The following SYT6 variants were observed in gnomAD, a reference collection of about 807,000 sequenced individuals.
SYT6 encodes synaptotagmin 6, also known as synaptotagmin-6.
SYT6 carries 24 observed loss-of-function variants against 38.4 expected under a neutral mutation model. The ratio of observed to expected loss-of-function variants is 0.62; its 90% CI spans 0.45 to 0.88. The LOEUF is 0.88. Among genes scored for constraint, SYT6 ranks in the 40% least tolerant of loss-of-function variants. SYT6 has a pLI of 0.00. For missense variants in SYT6, 611 were observed against 621.0 expected (o/e 0.98, Z 0.17); for synonymous variants, 265 against 241.9 (o/e 1.10, Z -0.89).
intron 3 of SYT6, among the ~76,000 whole-genome samples, chr1:114,129,083 G>T (rs888271485): frequency 3.9e-5 from 6 of 152,122 alleles, no homozygotes; most frequent in African/African-American, 1.4e-4. Context: ...CCCCATATGG[G>T]TTCTTCCTCC....
intron 3 of SYT6, among the ~76,000 whole-genome samples, chr1:114,111,069 T>C (rs571583109): frequency 1.6e-4 from 25 of 152,308 alleles, no homozygotes; most frequent in African/African-American, 5.8e-4. Context: ...GGCTCCCTCC[T>C]TGGAACTTTT....
Position 114,148,869 on chromosome 1 carries a change from C to A in SYT6, c.163+4741G>T, listed in dbSNP as rs563654145. Among the ~76,000 whole-genome samples, 11 of 152,214 alleles carry A rather than the reference C, an allele frequency of 7.2e-5. No homozygotes were observed. In the East Asian group the frequency reaches 1.7e-3, roughly 24 times the overall value. On this transcript the variant is annotated intron_variant, in intron 1 of 7. Coordinates refer to ENST00000610222, the MANE Select transcript of SYT6 (RefSeq NM_001253772.2). ...TTAAGGAGAAGAGCTGGGATTTGAA[C>A]CTAGGACTTGCTGATGCCCAAATCT...
chr1:114,150,219 AG>A (rs1331457125), intron 1 of SYT6, among the ~76,000 whole-genome samples: 8 of 152,222 alleles, frequency 5.3e-5, no homozygotes, highest in Middle Eastern at 3.2e-3. Context: ...TACAGAGCTT[AG>A]AGGGATGACA....
intron 5 of SYT6, 58 bp from the exon 6 acceptor site, chr1:114,097,935 G>T (rs1675737635): frequency 5.0e-6 from 8 of 1,595,662 alleles, no homozygotes; most frequent in Admixed American, 1.7e-5. Context: ...AGAAAAGGAG[G>T]TCCAGTGTGG....
rs1402730847 is a variant in SYT6 at position 114,137,770 on chromosome 1, C to T, written c.796G>A (p.Asp266Asn). ...LPAKDFCGSS[D>N]PYVKIYLLPD... is the part of the protein sequence containing the mutation. Reference sequence around the variant, plus strand: ...AGGAGGTAGATCTTGACATAAGGGTCAGAGCTTCCACAAAAGTCCTTGGCA... The same window carrying T: ...AGGAGGTAGATCTTGACATAAGGGTTAGAGCTTCCACAAAAGTCCTTGGCA... The change falls in exon 3 of 8, where the codon GAC (aspartate) becomes AAC (asparagine). Residue 266 changes from aspartate (D) to asparagine (N), a missense_variant. Transcript: ENST00000610222. 1.2e-6 allele frequency: 2 copies of T among 1,613,960 alleles called. No homozygotes were observed. The highest frequency in any genetic ancestry group is 2.2e-5 in the East Asian group (1 of 44,886).
chr1:114,149,379 C>A (rs1352464109), intron 1 of SYT6, among the ~76,000 whole-genome samples: 1 of 151,820 alleles, frequency 6.6e-6, no homozygotes, highest in African/African-American at 2.4e-5. Context: ...GAGCAGAGGG[C>A]TTTTGCTTCC....
intron 3 of SYT6, among the ~76,000 whole-genome samples, chr1:114,129,508 G>T (rs1677955449): frequency 6.6e-6 from 1 of 150,612 alleles, no homozygotes; most frequent in Non-Finnish European, 1.5e-5. Flanking sequence ...TGGTCCTCTT[G>T]CTGTTCTTTG....
At chr1:114,095,912 G>A (rs1027405089) in intron 6 of SYT6, among the ~76,000 whole-genome samples, 3 of 151,964 alleles carry the variant, frequency 2.0e-5, no homozygotes, top group African/African-American at 2.4e-5. Flanking sequence ...CATCCACCTC[G>A]GCCTCCCAAA....
At chr1:114,100,256 T>C (rs1368598032) in intron 4 of SYT6, among the ~76,000 whole-genome samples, 1 of 152,166 alleles carries the variant, frequency 6.6e-6, no homozygotes, top group Non-Finnish European at 1.5e-5. Context: ...CAGGTAATAA[T>C]AGCTTTCGAG....
chr1:114,135,924 G>A (rs984858134), intron 3 of SYT6, among the ~76,000 whole-genome samples: 33 of 152,318 alleles, frequency 2.2e-4, no homozygotes, highest in African/African-American at 6.7e-4. Context: ...TGCACCAAAT[G>A]TAAACTTCAG....
chr1:114,104,489 C>G (rs1214864009), intron 3 of SYT6, among the ~76,000 whole-genome samples: 1 of 152,138 alleles, frequency 6.6e-6, no homozygotes, highest in African/African-American at 2.4e-5. Context: ...TGGCATTAAA[C>G]AGTGCCTTGC....
intron 3 of SYT6, among the ~76,000 whole-genome samples, chr1:114,106,354 C>G (rs954620348): frequency 6.6e-6 from 1 of 152,066 alleles, no homozygotes; most frequent in East Asian, 1.9e-4. Context: ...TAGGTGCTCT[C>G]TCTCTCATCA....
At chr1:114,144,385 G>C (rs1679049903) in intron 1 of SYT6, among the ~76,000 whole-genome samples, 1 of 152,230 alleles carries the variant, frequency 6.6e-6, no homozygotes. Context: ...GATGGCAGCA[G>C]TGGTTCACAG....
In SYT6 at chr1:114,129,545, TTCTG is replaced by T. The variant is rs1480067837; in HGVS notation, c.1071+7946_1071+7949del. On this transcript the variant is annotated intron_variant, in intron 3 of 7. Coordinates refer to ENST00000610222, the MANE Select transcript of SYT6 (RefSeq NM_001253772.2). ...TTTTCTCTTTCTTTCTTTCTTTTTT[TTCTG>T]TCTTTTTTTCTTTCTTTTCTTTCTT... 3.5e-4 allele frequency among the ~76,000 whole-genome samples: 51 copies of T among 146,886 alleles called. 2 individuals carry two copies. The highest frequency in any genetic ancestry group is 7.0e-3 in the Middle Eastern group (2 of 286).
intron 1 of SYT6, among the ~76,000 whole-genome samples, chr1:114,142,719 C>T (rs1306287973): frequency 1.3e-5 from 2 of 152,170 alleles, no homozygotes; most frequent in African/African-American, 4.8e-5. Context: ...GCCACAGCCA[C>T]TCCAGCCACC....
chr1:114,118,422 G>T (rs977937767), intron 3 of SYT6, among the ~76,000 whole-genome samples: 2 of 152,242 alleles, frequency 1.3e-5, no homozygotes, highest in Admixed American at 1.3e-4. Context: ...GGGAGAAGCC[G>T]AGGCACTGGA....
At chr1:114,137,007 T>G (rs931269419) in intron 3 of SYT6, among the ~76,000 whole-genome samples, 1 of 152,204 alleles carries the variant, frequency 6.6e-6, no homozygotes, top group Non-Finnish European at 1.5e-5. Context: ...CGTGTCTAAA[T>G]GCAGCCTCTG....
In SYT6 at chr1:114,153,822, C is replaced by A. The variant is rs560276620; in HGVS notation, c.-50G>T. The A allele has an allele frequency of 1.0e-3, 600 of 597,878 alleles. 4 individuals are homozygous for A. In the African/African-American group the frequency reaches 0.01, roughly 10 times the overall value. 37.0% of individuals were successfully genotyped at this position (597,878 alleles called of 1,614,324 possible). A position where few individuals can be genotyped will look rare whatever the true frequency, so the allele number is the denominator to read the frequency against. Reference sequence around the variant, plus strand: ...GCAGCAGCTCGAACCCGCGCCCCGGCCGCACTGGGGCGGGGCACGACGGCC... The same window carrying A: ...GCAGCAGCTCGAACCCGCGCCCCGGACGCACTGGGGCGGGGCACGACGGCC... On this transcript the variant is annotated 5_prime_UTR_variant, in exon 1 of 8. Transcript: ENST00000610222.
rs1398552337 is a variant in SYT6 at position 114,091,171 on chromosome 1, T to C, written c.*963A>G. On this transcript the variant is annotated 3_prime_UTR_variant, in exon 8 of 8. Transcript: ENST00000610222. ...GATACTTCATGGAATTATAAAGCTA[T>C]GTATAATGCAGAAATCATTCCAGAA... The C allele has an allele frequency of 1.3e-5, 2 of 152,928 alleles. No homozygotes were observed. Among genetic ancestry groups the C allele is most frequent in the South Asian group, 2.1e-4 (1 of 4,822 alleles). 9.5% of individuals were successfully genotyped at this position (152,928 alleles called of 1,614,324 possible).
Sources: gnomAD v4.1 joint callset for allele counts (sites outside exome capture counted in the v4.1 genomes callset) on GRCh38, gnomAD v4.1.1 for gene constraint, MANE v1.5 for transcripts, NCBI Gene and HGNC (gene_info 2026-07-23, HGNC 2026-07-21) for gene names.